Variants in SLC60A2 observed in about 807,000 individuals in gnomAD.
SLC60A2 encodes the protein solute carrier family 60 member 2.
chr6:111,271,056 C>G, the SLC60A2 span: 1 of 149,956 alleles, frequency 6.7e-6, no homozygotes. Flanking sequence ...TTTTATGTCC[C>G]TTATCACTGT....
the SLC60A2 span, among the ~76,000 whole-genome samples, chr6:111,277,337 G>C: frequency 6.6e-6 from 1 of 152,114 alleles, no homozygotes; most frequent in Non-Finnish European, 1.5e-5. Flanking sequence ...TTTGTGGATT[G>C]TTTGATTTTT....
the SLC60A2 span, among the ~76,000 whole-genome samples, chr6:111,278,914 A>G: frequency 6.6e-6 from 1 of 152,208 alleles, no homozygotes; most frequent in Non-Finnish European, 1.5e-5. Context: ...TGATTGCAAA[A>G]TGTGTTCTTG....
At chr6:111,279,154 C>G in the SLC60A2 span, among the ~76,000 whole-genome samples, 1 of 152,168 alleles carries the variant, frequency 6.6e-6, no homozygotes, top group Non-Finnish European at 1.5e-5. Flanking sequence ...GATCAGTGCA[C>G]AAAACTGGAT....
At chr6:111,276,359 G>C in the SLC60A2 span, among the ~76,000 whole-genome samples, 1 of 152,146 alleles carries the variant, frequency 6.6e-6, no homozygotes, top group Non-Finnish European at 1.5e-5. Context: ...TTTTGTCTTA[G>C]ATTTTTTTCT....
At chr6:111,273,955 A>G in the SLC60A2 span, among the ~76,000 whole-genome samples, 1 of 152,026 alleles carries the variant, frequency 6.6e-6, no homozygotes, top group African/African-American at 2.4e-5. Context: ...ACTGCACTCA[A>G]GTGATCTTCC....
chr6:111,259,773 T>C, the SLC60A2 span: 1 of 1,536,214 alleles, frequency 6.5e-7, no homozygotes, highest in African/African-American at 1.4e-5. Context: ...CGTTCGAGTC[T>C]TGCCTTCGCC....
the SLC60A2 span, chr6:111,278,827 A>G: frequency 6.6e-6 from 1 of 152,238 alleles, no homozygotes; most frequent in African/African-American, 2.4e-5. Flanking sequence ...TACTGAAGCA[A>G]GGGAAAGTGA....
At chr6:111,266,451 A>T in the SLC60A2 span, 1 of 1,614,224 alleles carries the variant, frequency 6.2e-7, no homozygotes, top group Non-Finnish European at 8.5e-7. Flanking sequence ...GCCTGGAACC[A>T]TGATTGTGTT....
chr6:111,275,368 G>A, the SLC60A2 span, among the ~76,000 whole-genome samples: 2 of 151,656 alleles, frequency 1.3e-5, no homozygotes, highest in African/African-American at 4.8e-5. Flanking sequence ...GAAGTTAGAT[G>A]ACATGAGTAG....
At chr6:111,261,380 A>G in the SLC60A2 span, among the ~76,000 whole-genome samples, 1 of 152,134 alleles carries the variant, frequency 6.6e-6, no homozygotes, top group Non-Finnish European at 1.5e-5. Flanking sequence ...TCTCGACCTC[A>G]GGGCTTAAGC....
chr6:111,272,747 A>T, the SLC60A2 span, among the ~76,000 whole-genome samples: 6 of 139,816 alleles, frequency 4.3e-5, no homozygotes, highest in Admixed American at 1.4e-4. Context: ...CCTGACCTCA[A>T]GTGATCCACC....
At chr6:111,260,841 G>T in the SLC60A2 span, among the ~76,000 whole-genome samples, 47 of 152,328 alleles carry the variant, frequency 3.1e-4, no homozygotes, top group African/African-American at 1.1e-3. Context: ...GAACTAATTT[G>T]ATTAGATTCT....
chr6:111,270,109 A>G, the SLC60A2 span: 1 of 152,234 alleles, frequency 6.6e-6, no homozygotes, highest in East Asian at 1.9e-4. Flanking sequence ...GGCCTCCCAC[A>G]GTTCTTGCCA....
At chr6:111,268,070 G>GT in the SLC60A2 span, 1 of 152,210 alleles carries the variant, frequency 6.6e-6, no homozygotes, top group Non-Finnish European at 1.5e-5. Context: ...TTGGGAATCT[G>GT]TAAGTTTTAA....
the SLC60A2 span, chr6:111,266,734 T>C: frequency 1.2e-6 from 2 of 1,614,108 alleles, no homozygotes; most frequent in Non-Finnish European, 8.5e-7. Flanking sequence ...TATACCTCTT[T>C]GGGAGCATCA....
the SLC60A2 span, among the ~76,000 whole-genome samples, chr6:111,272,698 G>A: frequency 2.8e-3 from 426 of 151,724 alleles, no homozygotes; most frequent in Non-Finnish European, 5.0e-3. Context: ...TTTTAGTAGA[G>A]ATGGGGTTTT....
the SLC60A2 span, among the ~76,000 whole-genome samples, chr6:111,274,251 A>G: frequency 1.4e-4 from 22 of 152,194 alleles, no homozygotes; most frequent in African/African-American, 4.8e-4. Context: ...TTATCATTAT[A>G]TAATGATTTT....
At chr6:111,278,538 A>C in the SLC60A2 span, 1 of 152,158 alleles carries the variant, frequency 6.6e-6, no homozygotes, top group African/African-American at 2.4e-5. Context: ...CATGGGGGCA[A>C]GTCTTTCCCG....
chr6:111,261,543 C>G, the SLC60A2 span, among the ~76,000 whole-genome samples: 2 of 152,112 alleles, frequency 1.3e-5, no homozygotes, highest in East Asian at 1.9e-4. Context: ...CTCTCCCTTC[C>G]AGATTGCTGG....
Sources: allele counts gnomAD v4.1 joint callset (sites outside exome capture counted in the v4.1 genomes callset), GRCh38; gene constraint gnomAD v4.1.1; transcripts MANE v1.5; gene names NCBI Gene and HGNC (gene_info 2026-07-23, HGNC 2026-07-21).